CAMKMT: variants seen among roughly 807,000 people sequenced by gnomAD.
CAMKMT encodes calmodulin-lysine N-methyltransferase.
In CAMKMT, 53 loss-of-function variants were observed where a neutral mutation model predicts 48.0. The observed-to-expected ratio is 1.10, with a 90% CI of 0.89 to 1.39. The LOEUF is 1.39. Among genes scored for constraint, CAMKMT ranks in the 40% most tolerant of loss-of-function variants. CAMKMT has a pLI of 0.00. For missense variants in CAMKMT, 428 were observed against 402.7 expected (o/e 1.06, Z -0.54); for synonymous variants, 165 against 152.3 (o/e 1.08, Z -0.61).
chr2:44,635,325 A>G (rs2103982634), intron 3 of CAMKMT, among the ~76,000 whole-genome samples: 1 of 152,340 alleles, frequency 6.6e-6, no homozygotes, highest in Admixed American at 6.5e-5. Flanking sequence ...TATGAAAGCT[A>G]CTGGCCTCCA....
At chr2:44,518,900 G>A (rs1326105344) in intron 3 of CAMKMT, among the ~76,000 whole-genome samples, 2 of 152,198 alleles carry the variant, frequency 1.3e-5, no homozygotes, top group Non-Finnish European at 2.9e-5. Flanking sequence ...GTTAAAAGGG[G>A]AAGATAGGCT....
intron 3 of CAMKMT, among the ~76,000 whole-genome samples, chr2:44,549,059 C>T (rs920280901): frequency 4.6e-5 from 7 of 152,222 alleles, no homozygotes; most frequent in African/African-American, 1.7e-4. Flanking sequence ...GCCTGTTCCA[C>T]ATTTGTTTCC....
intron 3 of CAMKMT, among the ~76,000 whole-genome samples, chr2:44,507,989 T>C (rs1206608756): frequency 6.6e-6 from 1 of 152,216 alleles, no homozygotes; most frequent in African/African-American, 2.4e-5. Flanking sequence ...CTATCTGTGG[T>C]GAAGGACTTT....
At chr2:44,388,436 A>G (rs1245407896) in intron 2 of CAMKMT, among the ~76,000 whole-genome samples, 1 of 152,092 alleles carries the variant, frequency 6.6e-6, no homozygotes, top group South Asian at 2.1e-4. Flanking sequence ...ATTTGCTTGC[A>G]TTGGGCTTTG....
At chr2:44,679,683 C>A (rs1376639784) in intron 3 of CAMKMT, among the ~76,000 whole-genome samples, 1 of 152,186 alleles carries the variant, frequency 6.6e-6, no homozygotes, top group Non-Finnish European at 1.5e-5. Context: ...GCCTTCATTG[C>A]CTTCCACAAA....
chr2:44,583,816 A>G, intron 3 of CAMKMT, among the ~76,000 whole-genome samples: 1 of 152,014 alleles, frequency 6.6e-6, no homozygotes, highest in Admixed American at 6.5e-5. Flanking sequence ...AAAGAAAGAA[A>G]AAAGAAGGAA....
At chr2:44,602,050 G>T (rs1174455814) in intron 3 of CAMKMT, among the ~76,000 whole-genome samples, 1 of 151,926 alleles carries the variant, frequency 6.6e-6, no homozygotes, top group Non-Finnish European at 1.5e-5. Flanking sequence ...CTGTCACCCA[G>T]GCTGGAGTGT....
At chr2:44,705,871 C>G (rs1677524964) in intron 4 of CAMKMT, among the ~76,000 whole-genome samples, 1 of 152,066 alleles carries the variant, frequency 6.6e-6, no homozygotes, top group East Asian at 1.9e-4. Context: ...TATATACACA[C>G]TCATATATAT....
chr2:44,761,598 C>A (rs1020168178), intron 9 of CAMKMT, among the ~76,000 whole-genome samples: 11 of 152,292 alleles, frequency 7.2e-5, no homozygotes, highest in Non-Finnish European at 1.5e-5. Context: ...CTCCAGGCCA[C>A]CCCTGAAGCA....
At chr2:44,372,619 G>T in intron 1 of CAMKMT, 97 bp from the exon 2 acceptor site, 1 of 990,402 alleles carries the variant, frequency 1.0e-6, no homozygotes. Context: ...TTATTAGAAG[G>T]GAAAGTCCCC....
intron 2 of CAMKMT, among the ~76,000 whole-genome samples, chr2:44,378,694 A>T (rs944358991): frequency 2.6e-5 from 4 of 152,124 alleles, no homozygotes; most frequent in African/African-American, 4.8e-5. Flanking sequence ...GGGTTTCACC[A>T]TGTTGGCCAG....
intron 7 of CAMKMT, among the ~76,000 whole-genome samples, chr2:44,737,409 A>G (rs1274160608): frequency 6.6e-6 from 1 of 152,166 alleles, no homozygotes; most frequent in African/African-American, 2.4e-5. Context: ...TCTGGGATAC[A>G]GTTAAATTAC....
chr2:44,675,080 G>C lies in CAMKMT; in HGVS notation c.377-29203G>C, dbSNP rs553639882. ...ATGCTCGGGATTTACCAACCTTAAG[G>C]GGGGGAAAAAAAAAAAGGCAAGCCA... On this transcript the variant is annotated intron_variant, in intron 3 of 10. Transcript: ENST00000378494. Among the ~76,000 whole-genome samples the C allele has an allele frequency of 5.6e-3, 813 of 145,710 alleles. 1 individual carries two copies. The highest frequency in any genetic ancestry group is 0.015 in the South Asian group (71 of 4,588).
At chr2:44,667,223 T>C (rs1204747450) in intron 3 of CAMKMT, among the ~76,000 whole-genome samples, 2 of 152,194 alleles carry the variant, frequency 1.3e-5, no homozygotes, top group Non-Finnish European at 2.9e-5. Flanking sequence ...AGCTAAAGTC[T>C]CCTGACTAAA....
chr2:44,378,113 A>G (rs770442878), intron 2 of CAMKMT, among the ~76,000 whole-genome samples: 1 of 152,250 alleles, frequency 6.6e-6, no homozygotes, highest in Non-Finnish European at 1.5e-5. Flanking sequence ...TTATAGCAAT[A>G]AAACAACGTT....
intron 3 of CAMKMT, among the ~76,000 whole-genome samples, chr2:44,460,419 G>C (rs974534803): frequency 2.0e-5 from 3 of 152,136 alleles, no homozygotes; most frequent in African/African-American, 7.2e-5. Flanking sequence ...AAAAAATTGT[G>C]AGTCTTTTTA....
chr2:44,674,586 C>T (rs1008376718), intron 3 of CAMKMT, among the ~76,000 whole-genome samples: 1 of 152,234 alleles, frequency 6.6e-6, no homozygotes, highest in Non-Finnish European at 1.5e-5. Flanking sequence ...AAGCCCCCAA[C>T]CTCAACCAAA....
At chr2:44,479,005 T>C (rs1026823272) in intron 3 of CAMKMT, among the ~76,000 whole-genome samples, 1 of 152,208 alleles carries the variant, frequency 6.6e-6, no homozygotes, top group Non-Finnish European at 1.5e-5. Flanking sequence ...GGCAATTGCT[T>C]TTCTTTTCTA....
At chr2:44,759,611 C>T (rs1380981489) in intron 9 of CAMKMT, among the ~76,000 whole-genome samples, 2 of 152,092 alleles carry the variant, frequency 1.3e-5, no homozygotes, top group East Asian at 3.9e-4. Flanking sequence ...AGAGACCCAG[C>T]GACTCCTCAC....
Sources: gnomAD v4.1 joint callset for allele counts (sites outside exome capture counted in the v4.1 genomes callset) on GRCh38, gnomAD v4.1.1 for gene constraint, MANE v1.5 for transcripts, NCBI Gene and HGNC (gene_info 2026-07-23, HGNC 2026-07-21) for gene names.